NRXN3: variants seen among roughly 807,000 people sequenced by gnomAD.
The protein encoded by NRXN3 is neurexin 3, also known as neurexin III.
In NRXN3, 32 loss-of-function variants were observed where a neutral mutation model predicts 137.6. That is an observed-to-expected ratio of 0.23 (90% confidence interval 0.18 to 0.31). The LOEUF (loss-of-function observed/expected upper bound fraction) is 0.31. NRXN3 is among the 10% of genes least tolerant of loss of function. The pLI, the probability that NRXN3 is intolerant of heterozygous loss-of-function variation, is 1.00. For missense variants in NRXN3, 1,574 were observed against 2,062.5 expected (o/e 0.76, Z 4.59); for synonymous variants, 798 against 784.5 (o/e 1.02, Z -0.29).
intron 10 of NRXN3, among the ~76,000 whole-genome samples, chr14:78,920,215 C>G (rs558099835): frequency 1.2e-4 from 18 of 152,232 alleles, no homozygotes; most frequent in African/African-American, 3.6e-4. Flanking sequence ...GCCTGGCCTG[C>G]CACAGTGGTA....
chr14:79,460,394 T>C (rs1264147781), intron 15 of NRXN3, among the ~76,000 whole-genome samples: 1 of 152,184 alleles, frequency 6.6e-6, no homozygotes, highest in East Asian at 1.9e-4. Context: ...GACTTTTTTT[T>C]ATTCATGGAA....
chr14:79,804,358 C>T (rs2099194926), intron 19 of NRXN3, among the ~76,000 whole-genome samples: 1 of 152,100 alleles, frequency 6.6e-6, no homozygotes, highest in South Asian at 2.1e-4. Flanking sequence ...TACTCAGTCT[C>T]CTATATTTCT....
At chr14:79,512,363 A>G (rs2096940066) in intron 16 of NRXN3, among the ~76,000 whole-genome samples, 1 of 152,212 alleles carries the variant, frequency 6.6e-6, no homozygotes, top group South Asian at 2.1e-4. Flanking sequence ...AATGGAGATA[A>G]TTGTAGGACC....
At chr14:78,644,942 T>C (rs572677830) in intron 4 of NRXN3, among the ~76,000 whole-genome samples, 178 bp from the exon 5 acceptor site, 1 of 152,358 alleles carries the variant, frequency 6.6e-6, no homozygotes, top group Admixed American at 6.5e-5. Context: ...CAGTCACCCC[T>C]GCTGCTAGTT....
chr14:79,643,800 C>G (rs2098442860), intron 16 of NRXN3, among the ~76,000 whole-genome samples: 1 of 135,390 alleles, frequency 7.4e-6, no homozygotes, highest in Admixed American at 7.8e-5. Flanking sequence ...GCCTCTGAGT[C>G]ACCTCTTGCA....
At chr14:79,859,654 G>C (rs927005686) in intron 20 of NRXN3, among the ~76,000 whole-genome samples, 10 of 152,146 alleles carry the variant, frequency 6.6e-5, no homozygotes, top group Non-Finnish European at 1.2e-4. Context: ...CTCAGCTACA[G>C]TCTTATCTGT....
intron 16 of NRXN3, among the ~76,000 whole-genome samples, chr14:79,558,360 G>A (rs540205235): frequency 1.3e-5 from 2 of 152,160 alleles, no homozygotes; most frequent in Non-Finnish European, 2.9e-5. Flanking sequence ...GGCACCTATA[G>A]CCTTATGAAA....
intron 15 of NRXN3, chr14:79,280,768 C>T: frequency 1.9e-6 from 1 of 527,850 alleles, no homozygotes. Flanking sequence ...GGGTTCTTTT[C>T]CCCTTAGCTC....
intron 16 of NRXN3, among the ~76,000 whole-genome samples, chr14:79,632,053 C>G (rs576074299): frequency 3.9e-5 from 6 of 152,250 alleles, no homozygotes; most frequent in Admixed American, 6.5e-5. Context: ...TCCTTCCACA[C>G]TGTGGAAGCT....
chr14:78,399,702 A>G (rs886497710), intron 4 of NRXN3, among the ~76,000 whole-genome samples: 1 of 152,202 alleles, frequency 6.6e-6, no homozygotes, highest in Non-Finnish European at 1.5e-5. Flanking sequence ...TGCATTGGCT[A>G]TTTTTGACAG....
intron 4 of NRXN3, among the ~76,000 whole-genome samples, chr14:78,483,244 CTCTG>C (rs911948312): frequency 1.1e-4 from 17 of 152,294 alleles, no homozygotes; most frequent in African/African-American, 3.8e-4. Context: ...TTCTACGTGA[CTCTG>C]TCTGCATCTG....
chr14:78,658,725 T>C (rs2097805991), intron 6 of NRXN3, among the ~76,000 whole-genome samples: 1 of 152,212 alleles, frequency 6.6e-6, no homozygotes, highest in Non-Finnish European at 1.5e-5. Context: ...ACACACATTA[T>C]TGCTTTGGGT....
chr14:78,514,009 G>A (rs1165289812), intron 4 of NRXN3, among the ~76,000 whole-genome samples: 1 of 152,114 alleles, frequency 6.6e-6, no homozygotes, highest in Non-Finnish European at 1.5e-5. Flanking sequence ...ATCTAGGAAT[G>A]TGTCATCTAT....
At chr14:78,914,436 A>C (rs2099249476) in intron 10 of NRXN3, among the ~76,000 whole-genome samples, 1 of 152,174 alleles carries the variant, frequency 6.6e-6, no homozygotes, top group Non-Finnish European at 1.5e-5. Flanking sequence ...AAAATAACCA[A>C]AGAAAAAGGA....
chr14:79,104,954 G>C (rs2052101111), intron 15 of NRXN3, among the ~76,000 whole-genome samples: 1 of 151,940 alleles, frequency 6.6e-6, no homozygotes, highest in African/African-American at 2.4e-5. Context: ...TCATTGTATG[G>C]AATAATAATT....
At chr14:79,297,694 G>A (rs2084417669) in intron 15 of NRXN3, among the ~76,000 whole-genome samples, 1 of 152,204 alleles carries the variant, frequency 6.6e-6, no homozygotes. Context: ...CAGGGTGGTG[G>A]CATTGAGGCT....
intron 1 of NRXN3, among the ~76,000 whole-genome samples, chr14:78,172,690 A>G (rs980142542): frequency 6.6e-6 from 1 of 152,096 alleles, no homozygotes; most frequent in Non-Finnish European, 1.5e-5. Context: ...TTCGCTATTA[A>G]AGTGAGCAAC....
At chr14:78,996,269 C>T (rs1391703416) in intron 15 of NRXN3, among the ~76,000 whole-genome samples, 1 of 152,124 alleles carries the variant, frequency 6.6e-6, no homozygotes, top group Non-Finnish European at 1.5e-5. Flanking sequence ...CACGGCAACC[C>T]TAAAAGTAGA....
At chr14:78,991,221 C>CAG (rs2099518198) in intron 15 of NRXN3, among the ~76,000 whole-genome samples, 1 of 152,154 alleles carries the variant, frequency 6.6e-6, no homozygotes, top group African/African-American at 2.4e-5. Context: ...TGGAAGAGCA[C>CAG]AGAGGTCATC....
Sources: allele counts gnomAD v4.1 joint callset (sites outside exome capture counted in the v4.1 genomes callset), GRCh38; gene constraint gnomAD v4.1.1; transcripts MANE v1.5; gene names NCBI Gene and HGNC (gene_info 2026-07-23, HGNC 2026-07-21).